DRC11: variants seen among roughly 807,000 people sequenced by gnomAD.
The protein encoded by DRC11 is IQ and AAA domain-containing protein 1.
the DRC11 span, among the ~76,000 whole-genome samples, chr2:236,340,548 T>G: frequency 1.3e-5 from 2 of 151,590 alleles, no homozygotes; most frequent in Non-Finnish European, 2.9e-5. Context: ...GTGGTGGGAG[T>G]GACTGGGCAT....
chr2:236,346,365 G>A, the DRC11 span, among the ~76,000 whole-genome samples: 1 of 152,214 alleles, frequency 6.6e-6, no homozygotes, highest in East Asian at 1.9e-4. Context: ...CTATGAAGCA[G>A]ATAACAATGA....
the DRC11 span, chr2:236,391,983 T>G: frequency 1.9e-6 from 3 of 1,613,718 alleles, no homozygotes; most frequent in Non-Finnish European, 2.5e-6. The surrounding 1 kb of genome is among the most constrained non-coding windows in gnomAD (Gnocchi z 4.5). Context: ...CACCTTGTCC[T>G]TTTTCTTTCC....
chr2:236,490,248 C>T, the DRC11 span, among the ~76,000 whole-genome samples: 1 of 152,184 alleles, frequency 6.6e-6, no homozygotes, highest in Non-Finnish European at 1.5e-5. The surrounding 1 kb of genome is among the most constrained non-coding windows in gnomAD (Gnocchi z 5.5). Flanking sequence ...GTTACTGTGA[C>T]CACTTAAGAG....
At chr2:236,379,879 C>A in the DRC11 span, among the ~76,000 whole-genome samples, 1 of 148,520 alleles carries the variant, frequency 6.7e-6, no homozygotes, top group African/African-American at 2.5e-5. Flanking sequence ...AACAGGGGAG[C>A]GACAGGACCA....
the DRC11 span, among the ~76,000 whole-genome samples, chr2:236,473,780 C>CA: frequency 0.015 from 2,121 of 142,652 alleles, 40 homozygotes; most frequent in African/African-American, 0.047. The surrounding 1 kb of genome is among the most constrained non-coding windows in gnomAD (Gnocchi z 4.8). Context: ...TGACAATATC[C>CA]AAAAAAAAAA....
At chr2:236,347,509 T>TATATAA in the DRC11 span, among the ~76,000 whole-genome samples, 45 of 117,752 alleles carry the variant, frequency 3.8e-4, 6 homozygotes, top group Non-Finnish European at 7.3e-4. Flanking sequence ...AAAACTGTGC[T>TATATAA]ATATATATAT....
the DRC11 span, chr2:236,488,096 C>T: frequency 1.2e-6 from 2 of 1,610,072 alleles, no homozygotes; most frequent in African/African-American, 1.3e-5. Context: ...AGATTTGCTT[C>T]ATGAATAAAG....
chr2:236,380,976 G>A, the DRC11 span, among the ~76,000 whole-genome samples: 1 of 152,208 alleles, frequency 6.6e-6, no homozygotes, highest in South Asian at 2.1e-4. The surrounding 1 kb of genome is among the most constrained non-coding windows in gnomAD (Gnocchi z 4.9). Flanking sequence ...CAGGAGTCAA[G>A]CTGTGCTCAC....
At chr2:236,503,578 G>A in the DRC11 span, 71 of 1,486,870 alleles carry the variant, frequency 4.8e-5, 1 homozygote, top group South Asian at 2.9e-4. This position sits in a 1 kb window ranked among gnomAD's most constrained non-coding sequence, Gnocchi z 4.9. Flanking sequence ...AAAGATTCCC[G>A]GCTGACAGGA....
chr2:236,326,520 T>C, the DRC11 span, among the ~76,000 whole-genome samples: 3 of 152,218 alleles, frequency 2.0e-5, no homozygotes, highest in Non-Finnish European at 4.4e-5. Flanking sequence ...CATTTTATAC[T>C]GATTGCCATA....
the DRC11 span, among the ~76,000 whole-genome samples, chr2:236,360,825 T>G: frequency 6.6e-6 from 1 of 152,192 alleles, no homozygotes; most frequent in South Asian, 2.1e-4. The surrounding 1 kb of genome is among the most constrained non-coding windows in gnomAD (Gnocchi z 5.8). Context: ...GAGATTTGCT[T>G]TGGACCACAG....
the DRC11 span, among the ~76,000 whole-genome samples, chr2:236,355,766 T>C: frequency 5.5e-3 from 844 of 152,188 alleles, 23 homozygotes; most frequent in East Asian, 0.094. Flanking sequence ...TGTGTGTGTG[T>C]TTTAAATCAA....
the DRC11 span, among the ~76,000 whole-genome samples, chr2:236,484,292 A>G: frequency 2.1e-4 from 32 of 152,350 alleles, no homozygotes; most frequent in African/African-American, 7.0e-4. Flanking sequence ...TAAAAGCTAC[A>G]AATTATTTAA....
At chr2:236,416,527 C>T in the DRC11 span, among the ~76,000 whole-genome samples, 1 of 151,176 alleles carries the variant, frequency 6.6e-6, no homozygotes, top group Non-Finnish European at 1.5e-5. Flanking sequence ...TTTGTTCATT[C>T]AGTGAACATC....
chr2:236,447,560 T>C, the DRC11 span, among the ~76,000 whole-genome samples: 1 of 147,846 alleles, frequency 6.8e-6, no homozygotes, highest in Non-Finnish European at 1.5e-5. The surrounding 1 kb of genome is among the most constrained non-coding windows in gnomAD (Gnocchi z 4.6). Flanking sequence ...AGCATTCACT[T>C]GTAGGTGACC....
chr2:236,459,469 A>C, the DRC11 span, among the ~76,000 whole-genome samples: 2 of 147,708 alleles, frequency 1.4e-5, no homozygotes, highest in African/African-American at 5.0e-5. Context: ...AATTCCTAAA[A>C]CTGTAATTAA....
chr2:236,368,257 CT>C, the DRC11 span: 1 of 1,609,334 alleles, frequency 6.2e-7, no homozygotes, highest in Admixed American at 1.7e-5. Context: ...GGCATGGGTT[CT>C]ATGGACACCT....
the DRC11 span, among the ~76,000 whole-genome samples, chr2:236,470,283 G>A: frequency 1.1e-4 from 17 of 152,314 alleles, no homozygotes; most frequent in East Asian, 3.1e-3. This position sits in a 1 kb window ranked among gnomAD's most constrained non-coding sequence, Gnocchi z 5.1. Flanking sequence ...GGGGCAGCTC[G>A]CTGTCTTGCC....
At chr2:236,333,905 C>T in the DRC11 span, among the ~76,000 whole-genome samples, 1 of 152,170 alleles carries the variant, frequency 6.6e-6, no homozygotes, top group African/African-American at 2.4e-5. This position sits in a 1 kb window ranked among gnomAD's most constrained non-coding sequence, Gnocchi z 6.0. Context: ...GGCATCAAGG[C>T]TTTGGAGACC....
Sources: gnomAD v4.1 joint callset for allele counts (sites outside exome capture counted in the v4.1 genomes callset) on GRCh38, gnomAD v4.1.1 for gene constraint, Gnocchi (gnomAD v3.1) non-coding constraint, MANE v1.5 for transcripts, NCBI Gene and HGNC (gene_info 2026-07-23, HGNC 2026-07-21) for gene names.